The following KBTBD6 variants were observed in gnomAD, a reference collection of about 807,000 sequenced individuals.
KBTBD6 encodes kelch repeat and BTB domain containing 6, also known as kelch repeat and BTB domain-containing protein 6.
A neutral mutation model predicts 34.4 loss-of-function variants in KBTBD6; 6 were observed. The observed-to-expected ratio is 0.17, with a 90% CI of 0.10 to 0.34. The LOEUF is 0.34. KBTBD6 is among the 10% of genes least tolerant of loss of function. The probability of loss-of-function intolerance (pLI) is 1.00; values close to 1 mark genes in which losing one functional copy is unlikely to be tolerated. For synonymous variants in KBTBD6, 288 were observed against 327.2 expected, an observed-to-expected ratio of 0.88 and a Z score of 1.29; for missense variants, 557 against 856.0, an observed-to-expected ratio of 0.65 and a Z score of 4.36.
Position 41,128,074 on chromosome 13 carries a change from G to T in KBTBD6, c.*2413C>A, listed in dbSNP as rs2030024814. On this transcript the variant is annotated 3_prime_UTR_variant, in exon 1 of 1. Transcript: ENST00000379485. ...GACTATTTAAAGAGCCAGTCAAATGGCTAAAAAAACCATTGTTTTTTTGTT... is the reference window on the plus strand; with the variant it reads ...GACTATTTAAAGAGCCAGTCAAATGTCTAAAAAAACCATTGTTTTTTTGTT... 6.5e-6 allele frequency: 1 copy of T among 152,796 alleles called. No homozygotes were observed. The highest frequency in any genetic ancestry group is 1.5e-5 in the Non-Finnish European group (1 of 68,562). The allele number at this position is 152,796 out of a possible 1,614,324, so 9.5% of individuals were successfully genotyped here. A position where few individuals can be genotyped will look rare whatever the true frequency, so the allele number is the denominator to read the frequency against.
chr13:41,132,635 A>C lies in KBTBD6; in HGVS notation c.-124T>G, dbSNP rs1441427722. ...TCCGAAGAGACAGCAGCACGAGCCC[A>C]TTTACTGAATTCAACCCTACCCCGC... On this transcript the variant is annotated 5_prime_UTR_variant, in exon 1 of 1. An upstream start codon of the reference 5' UTR is lost. Transcript: ENST00000379485. 8.6e-7 allele frequency: 1 copy of C among 1,161,412 alleles called. No individual in the cohort carries two copies. Among genetic ancestry groups the C allele is most frequent in the African/African-American group, 1.5e-5 (1 of 64,540 alleles). The allele number at this position is 1,161,412 out of a possible 1,614,324, so 71.9% of individuals were successfully genotyped here. A position where few individuals can be genotyped will look rare whatever the true frequency, so the allele number is the denominator to read the frequency against.
chr13:41,132,606 C>T lies in KBTBD6; in HGVS notation c.-95G>A. ...TCCCTCGCTGACGCTAAGATAGCAG[C>T]GTCTCCGAAGAGACAGCAGCACGAG... On this transcript the variant is annotated 5_prime_UTR_variant, in exon 1 of 1. Transcript: ENST00000379485. 2 of 1,411,834 alleles carry T rather than the reference C, an allele frequency of 1.4e-6. No individual in the cohort carries two copies. Among genetic ancestry groups the T allele is most frequent in the South Asian group, 2.6e-5 (2 of 76,062 alleles). The allele number at this position is 1,411,834 out of a possible 1,614,324, so 87.5% of individuals were successfully genotyped here.
Position 41,132,341 on chromosome 13 carries a change from G to A in KBTBD6, c.171C>T (p.Tyr57=). The A allele has an allele frequency of 6.2e-7, 1 of 1,614,222 alleles. No individual in the cohort carries two copies. Among genetic ancestry groups the A allele is most frequent in the Non-Finnish European group, 8.5e-7 (1 of 1,180,038 alleles). The change falls in exon 1 of 1, where the codon TAC becomes TAT. Residue 57 remains tyrosine (Y), a synonymous_variant. Coordinates refer to ENST00000379485, the MANE Select transcript of KBTBD6 (RefSeq NM_152903.5). ...TCACATCACACAGCAGCCGCGCATC[G>A]TAGAAGGACTTGAGCTGTGCCAGCA... ...AALLAQLKSF[Y]DARLLCDVTI...
In KBTBD6 at chr13:41,127,824, A is replaced by G. The variant is rs1207982265; in HGVS notation, c.*2663T>C. 4 of 152,224 alleles carry G rather than the reference A, an allele frequency of 2.6e-5. No homozygotes were observed. The highest frequency in any genetic ancestry group is 9.6e-5 in the African/African-American group (4 of 41,480). The allele number at this position is 152,224 out of a possible 1,614,324, so 9.4% of individuals were successfully genotyped here. ...ATAAGCACTGTCATGTTTCAACCTT[A>G]GAGAACAAAAAGCTATCAACAAGAT... On this transcript the variant is annotated 3_prime_UTR_variant, in exon 1 of 1. Transcript: ENST00000379485.
Position 41,131,818 on chromosome 13 carries a change from C to G in KBTBD6, c.694G>C (p.Asp232His). 1 of 1,614,256 alleles carries G rather than the reference C, an allele frequency of 6.2e-7. No homozygotes were observed. The highest frequency in any genetic ancestry group is 1.3e-5 in the African/African-American group (1 of 75,064). The change falls in exon 1 of 1, where the codon GAC becomes CAC. Residue 232 changes from aspartate to histidine, a missense_variant. This residue lies in a region of KBTBD6 where 100 missense variants were observed against 102.1 expected (regional missense o/e 0.98). Coordinates refer to ENST00000379485, the MANE Select transcript of KBTBD6 (RefSeq NM_152903.5). The surrounding 1 kb of genome is among the most constrained non-coding windows in gnomAD (Gnocchi z 5.8). Reference sequence around the variant, plus strand: ...CACACTGTCTGCTCACTCTCCACGTCCAGACTATCCAAGCGCAGGACAGCC... The same window carrying G: ...CACACTGTCTGCTCACTCTCCACGTGCAGACTATCCAAGCGCAGGACAGCC... ...LLAVLRLDSL[D>H]VESEQTVCHV...
In KBTBD6 at chr13:41,130,990, C is replaced by T. The variant is rs1304135746; in HGVS notation, c.1522G>A (p.Val508Ile). 1 of 1,614,092 alleles carries T rather than the reference C, an allele frequency of 6.2e-7. No individual in the cohort carries two copies. The highest frequency in any genetic ancestry group is 8.5e-7 in the Non-Finnish European group (1 of 1,179,994). Reference protein sequence around the residue: ...DPSHNMWLKCVSLKRNDFQEA... With the variant: ...DPSHNMWLKCISLKRNDFQEA... ...TGAAAGTCATTGCGCTTCAGAGAAA[C>T]GCACTTCAGCCACATATTGTGGCTA... is the stretch of plus-strand genomic sequence containing the variant. Residue 508 changes from valine to isoleucine, a missense_variant, in exon 1 of 1, where the codon GTT becomes ATT. By Grantham distance (29) the Val-to-Ile change is conservative. Transcript: ENST00000379485. The surrounding 1 kb of genome is among the most constrained non-coding windows in gnomAD (Gnocchi z 4.8).
In KBTBD6 at chr13:41,128,202, G is replaced by GT. The variant is rs1244562160; in HGVS notation, c.*2284dup. 1.4e-5 allele frequency: 3 copies of GT among 218,902 alleles called. No individual in the cohort carries two copies. Among genetic ancestry groups the GT allele is most frequent in the Non-Finnish European group, 2.7e-5 (3 of 111,948 alleles). The allele number at this position is 218,902 out of a possible 1,614,324, so 13.6% of individuals were successfully genotyped here. A position where few individuals can be genotyped will look rare whatever the true frequency, so the allele number is the denominator to read the frequency against. ...ACATTTCTCTCCCTTCTGCCAGGGT[G>GT]TAAGAAATGTTAGCATTCTGTCACT... On this transcript the variant is annotated 3_prime_UTR_variant, in exon 1 of 1. Transcript: ENST00000379485.
In KBTBD6 at chr13:41,129,157, A is replaced by C. The variant is rs1340356620; in HGVS notation, c.*1330T>G. The C allele has an allele frequency of 6.6e-6, 1 of 152,628 alleles. No individual in the cohort carries two copies. Among genetic ancestry groups the C allele is most frequent in the Non-Finnish European group, 1.5e-5 (1 of 68,040 alleles). The allele number at this position is 152,628 out of a possible 1,614,324, so 9.5% of individuals were successfully genotyped here. ...ATCAACGAAATACTGTTTTTAGCTT[A>C]TATATATTTTCAAAATCAGTATTAC... On this transcript the variant is annotated 3_prime_UTR_variant, in exon 1 of 1. Coordinates refer to ENST00000379485, the MANE Select transcript of KBTBD6 (RefSeq NM_152903.5).
At position 41,131,021 on chromosome 13, in the gene KBTBD6, A is replaced by G. The variant is rs1445915278; in HGVS notation, c.1491T>C (p.Tyr497=). Residue 497 remains tyrosine, a synonymous_variant, in exon 1 of 1, where the codon TAT becomes TAC. Transcript: ENST00000379485. This position sits in a 1 kb window ranked among gnomAD's most constrained non-coding sequence, Gnocchi z 5.8. ...YALNSKRMFC[Y]DPSHNMWLKC... ...TCAGCCACATATTGTGGCTAGGATC[A>G]TAACAGAACATGCGCTTACTGTTGA... is the stretch of plus-strand genomic sequence containing the variant. 5.0e-6 allele frequency: 8 copies of G among 1,614,090 alleles called. No individual in the cohort carries two copies. Among genetic ancestry groups the G allele is most frequent in the South Asian group, 1.1e-5 (1 of 91,096 alleles).
rs1201417813 is a variant in KBTBD6 at position 41,128,168 on chromosome 13, C to T, written c.*2319G>A. The T allele has an allele frequency of 1.6e-5, 3 of 182,548 alleles. No homozygotes were observed. Among genetic ancestry groups the T allele is most frequent in the African/African-American group, 7.0e-5 (3 of 42,960 alleles). The allele number at this position is 182,548 out of a possible 1,614,324, so 11.3% of individuals were successfully genotyped here. A position where few individuals can be genotyped will look rare whatever the true frequency, so the allele number is the denominator to read the frequency against. On this transcript the variant is annotated 3_prime_UTR_variant, in exon 1 of 1. Transcript: ENST00000379485. ...TTTCACTCAAAAATTTAGTTACCCA[C>T]CCCAAAACACATTTCTCTCCCTTCT...
In KBTBD6 at chr13:41,131,335, G is replaced by C; in HGVS notation, c.1177C>G (p.His393Asp). Residue 393 changes from histidine (H) to aspartate (D), a missense_variant, in exon 1 of 1, where the codon CAT (histidine) becomes GAT (aspartate). Physicochemically the swap from His to Asp is moderately conservative, Grantham distance 81. Coordinates refer to ENST00000379485, the MANE Select transcript of KBTBD6 (RefSeq NM_152903.5). This position sits in a 1 kb window ranked among gnomAD's most constrained non-coding sequence, Gnocchi z 5.8. ...TTLAVCISPD[H>D]DIYLAAQPRT... ...GGCTGAGCAGCTAGATAGATGTCAT[G>C]GTCAGGAGAGATACAGACAGCTAAA... 6.2e-7 allele frequency: 1 copy of C among 1,614,158 alleles called. No individual in the cohort carries two copies. Among genetic ancestry groups the C allele is most frequent in the Non-Finnish European group, 8.5e-7 (1 of 1,180,008 alleles).
At position 41,131,943 on chromosome 13, in the gene KBTBD6, G is replaced by A. The variant is rs775076804; in HGVS notation, c.569C>T (p.Ser190Phe). ...CTGAGCTATATAGGACTGGGCCTGG[G>A]ATCGCAGCTTGCGATGGCCAAAGGC... ...ADAFGHRKLR[S>F]QAQSYIAQNF... The change falls in exon 1 of 1, where the codon TCC becomes TTC. Residue 190 changes from serine to phenylalanine, a missense_variant. Transcript: ENST00000379485. The surrounding 1 kb of genome is among the most constrained non-coding windows in gnomAD (Gnocchi z 5.8). 1.2e-6 allele frequency: 2 copies of A among 1,614,160 alleles called. No individual in the cohort carries two copies. The highest frequency in any genetic ancestry group is 1.7e-6 in the Non-Finnish European group (2 of 1,180,062).
In KBTBD6 at chr13:41,127,695, A is replaced by G. The variant is rs1427918721; in HGVS notation, c.*2792T>C. ...AAAATCCTTCCCACGATATATTACT[A>G]TTTAGTCTAAGCTTTAATTCAAAGG... On this transcript the variant is annotated 3_prime_UTR_variant, in exon 1 of 1. Coordinates refer to ENST00000379485, the MANE Select transcript of KBTBD6 (RefSeq NM_152903.5). 1.3e-5 allele frequency: 2 copies of G among 152,194 alleles called. No homozygotes were observed. Among genetic ancestry groups the G allele is most frequent in the African/African-American group, 2.4e-5 (1 of 41,424 alleles). The allele number at this position is 152,194 out of a possible 1,614,324, so 9.4% of individuals were successfully genotyped here. A position where few individuals can be genotyped will look rare whatever the true frequency, so the allele number is the denominator to read the frequency against.
Position 41,131,060 on chromosome 13 carries a change from G to A in KBTBD6, c.1452C>T (p.Asp484=), listed in dbSNP as rs1252225004. 1.2e-5 allele frequency: 20 copies of A among 1,614,056 alleles called. No individual in the cohort carries two copies. Among genetic ancestry groups the A allele is most frequent in the Non-Finnish European group, 1.7e-5 (20 of 1,180,026 alleles). ...GCTTACTGTTGAGAGCATAGAGATA[G>A]TCTCGAATTACCATTAGGTCAAAGG... ...FLSFDLMVIR[D]YLYALNSKRM... The change falls in exon 1 of 1, where the codon GAC becomes GAT. Residue 484 remains aspartate, a synonymous_variant. Coordinates refer to ENST00000379485, the MANE Select transcript of KBTBD6 (RefSeq NM_152903.5). The surrounding 1 kb of genome is among the most constrained non-coding windows in gnomAD (Gnocchi z 5.8).
rs1441795302 is a variant in KBTBD6 at position 41,132,203 on chromosome 13, G to A, written c.309C>T (p.Gly103=). Residue 103 remains glycine, a synonymous_variant, in exon 1 of 1, where the codon GGC becomes GGT. Coordinates refer to ENST00000379485, the MANE Select transcript of KBTBD6 (RefSeq NM_152903.5). ...CGCTGGCCTGCTGGCTCTCGTACAT[G>A]CCACCTGTGAACATGCTCTTGAAGT... The part of the protein sequence containing the change: ...CPYFKSMFTG[G]MYESQQASVT... 5 of 1,614,224 alleles carry A rather than the reference G, an allele frequency of 3.1e-6. No individual in the cohort carries two copies. The highest frequency in any genetic ancestry group is 2.2e-5 in the East Asian group (1 of 44,878).
chr13:41,131,619 G>C lies in KBTBD6; in HGVS notation c.893C>G (p.Ala298Gly). 1 of 1,613,414 alleles carries C rather than the reference G, an allele frequency of 6.2e-7. No homozygotes were observed. Among genetic ancestry groups the C allele is most frequent in the African/African-American group, 1.3e-5 (1 of 74,982 alleles). ...KKYCLDVIEGALQMRYGDLLY... is the reference protein window; with the variant it reads ...KKYCLDVIEGGLQMRYGDLLY... ...CAGGTCACCATAGCGCATCTGCAGG[G>C]CCCCTTCAATAACGTCCAGGCAGTA... The change falls in exon 1 of 1, where the codon GCC (alanine) becomes GGC (glycine). Residue 298 changes from alanine to glycine, a missense_variant. Transcript: ENST00000379485. The surrounding 1 kb of genome is among the most constrained non-coding windows in gnomAD (Gnocchi z 5.8).
chr13:41,130,947 T>C lies in KBTBD6; in HGVS notation c.1565A>G (p.Asn522Ser). The change falls in exon 1 of 1, where the codon AAT becomes AGT. Residue 522 changes from asparagine (N) to serine (S), a missense_variant. Asn to Ser is a conservative substitution (Grantham distance 46). Transcript: ENST00000379485. The surrounding 1 kb of genome is among the most constrained non-coding windows in gnomAD (Gnocchi z 4.8). The part of the protein sequence containing the change: ...RNDFQEACVF[N>S]EEIYCICDIP... ...ATCACAGATACAATAGATCTCCTCA[T>C]TGAAGACGCAGGCTTCCTGAAAGTC... 2 of 1,614,148 alleles carry C rather than the reference T, an allele frequency of 1.2e-6. No individual in the cohort carries two copies. Among genetic ancestry groups the C allele is most frequent in the Admixed American group, 1.7e-5 (1 of 60,028 alleles).
At position 41,132,422 on chromosome 13, in the gene KBTBD6, A is replaced by C; in HGVS notation, c.90T>G (p.Val30=). 6.2e-7 allele frequency: 1 copy of C among 1,614,242 alleles called. No homozygotes were observed. The change falls in exon 1 of 1, where the codon GTT becomes GTG. Residue 30 remains valine (V), a synonymous_variant. Coordinates refer to ENST00000379485, the MANE Select transcript of KBTBD6 (RefSeq NM_152903.5). ...KRPKKIHKPT[V]SAFFTGPEEL... is the part of the protein sequence containing the mutation. ...CCTCTGGACCCGTGAAAAAGGCCGA[A>C]ACTGTGGGTTTGTGAATCTTCTTGG...
At position 41,132,298 on chromosome 13, in the gene KBTBD6, G is replaced by T; in HGVS notation, c.214C>A (p.Pro72Thr). ...CGACCCGTGCCAGGCCCGCTGCCAG[G>T]CGTCACCACCTCGATGGTCACATCA... The part of the protein sequence containing the change: ...LCDVTIEVVT[P>T]GSGPGTGRLF... The change falls in exon 1 of 1, where the codon CCT (proline) becomes ACT (threonine). Residue 72 changes from proline to threonine, a missense_variant. Coordinates refer to ENST00000379485, the MANE Select transcript of KBTBD6 (RefSeq NM_152903.5). The T allele has an allele frequency of 3.1e-6, 5 of 1,614,230 alleles. No individual in the cohort carries two copies. Among genetic ancestry groups the T allele is most frequent in the Non-Finnish European group, 4.2e-6 (5 of 1,180,056 alleles).
Sources: allele counts gnomAD v4.1 joint callset, GRCh38; gene constraint gnomAD v4.1.1; regional missense constraint gnomAD v4.1.1; non-coding constraint Gnocchi (gnomAD v3.1); transcripts MANE v1.5; gene names NCBI Gene and HGNC (gene_info 2026-07-23, HGNC 2026-07-21).